The following CSE1L variants were observed in gnomAD, a reference collection of about 807,000 sequenced individuals.
CSE1L encodes the protein chromosome segregation 1 like.
A neutral mutation model predicts 120.4 loss-of-function variants in CSE1L; 24 were observed. The observed-to-expected ratio is 0.20, with a 90% CI of 0.14 to 0.28. The LOEUF (loss-of-function observed/expected upper bound fraction) is 0.28, where lower values mean the gene tolerates loss of function less well. CSE1L is among the 10% of genes least tolerant of loss of function. The pLI is 1.00. For missense variants in CSE1L, 830 were observed against 1,145.2 expected (o/e 0.72, Z 3.97); for synonymous variants, 402 against 398.3 (o/e 1.01, Z -0.11).
At chr20:49,084,248 A>T (rs888352090) in intron 15 of CSE1L, 86 bp downstream of exon 15, 23 of 1,314,042 alleles carry the variant, frequency 1.8e-5, no homozygotes, top group Non-Finnish European at 2.2e-5. Context: ...TCATAATTTC[A>T]CTAGTGGGAA....
chr20:49,074,846 A>G lies in CSE1L; in HGVS notation c.1128A>G (p.Gly376=). 2 of 1,611,736 alleles carry G rather than the reference A, an allele frequency of 1.2e-6. No individual in the cohort carries two copies. The highest frequency in any genetic ancestry group is 2.2e-5 in the East Asian group (1 of 44,696). ...AGTACATAAGGAGAGATTTGGAAGG[A>G]TCTGGTGTGTATCTTGGTTTTTTAG... ...SEEYIRRDLE[G]SDIDTRRRAA... is the part of the protein sequence containing the mutation. The change falls in exon 11 of 25, where the codon GGA becomes GGG. Residue 376 remains glycine (G), a synonymous_variant. Transcript: ENST00000262982.
chr20:49,076,254 C>T (rs2091967534), intron 12 of CSE1L, among the ~76,000 whole-genome samples: 1 of 152,248 alleles, frequency 6.6e-6, no homozygotes, highest in Non-Finnish European at 1.5e-5. Flanking sequence ...ATGGCACGAT[C>T]TTGGCTCACC....
At chr20:49,077,988 A>G (rs1034348037) in intron 13 of CSE1L, among the ~76,000 whole-genome samples, 2 of 152,114 alleles carry the variant, frequency 1.3e-5, no homozygotes, top group Non-Finnish European at 2.9e-5. Flanking sequence ...TGGGATACAG[A>G]GCGAGACTCT....
intron 22 of CSE1L, among the ~76,000 whole-genome samples, chr20:49,093,546 C>T (rs1314541065): frequency 6.7e-5 from 10 of 148,550 alleles, no homozygotes; most frequent in Non-Finnish European, 1.2e-4. Flanking sequence ...TTCCTTTTTT[C>T]CCTCCTTGCT....
At position 49,096,724 on chromosome 20, in the gene CSE1L, C is replaced by G; in HGVS notation, c.*286C>G. On this transcript the variant is annotated 3_prime_UTR_variant, in exon 25 of 25. Transcript: ENST00000262982. ...TGAGCGTTTGCACGGTTTGGATAAT[C>G]TTAAATTTTGACGGACACTGTGGAG... 1 of 348,158 alleles carries G rather than the reference C, an allele frequency of 2.9e-6. No homozygotes were observed. 21.6% of individuals were successfully genotyped at this position (348,158 alleles called of 1,614,324 possible).
intron 1 of CSE1L, among the ~76,000 whole-genome samples, chr20:49,050,168 G>A (rs1266727169): frequency 6.6e-6 from 1 of 150,574 alleles, no homozygotes; most frequent in Non-Finnish European, 1.5e-5. Context: ...ATCATTTTAG[G>A]TTTCATTCTA....
chr20:49,050,501 C>A (rs1036067431), intron 1 of CSE1L, among the ~76,000 whole-genome samples: 1 of 145,608 alleles, frequency 6.9e-6, no homozygotes, highest in Non-Finnish European at 1.5e-5. Context: ...CTCCCGGGTT[C>A]AAGCAATTCT....
At position 49,068,750 on chromosome 20, in the gene CSE1L, T is replaced by A; in HGVS notation, c.603T>A (p.Asp201Glu). The change falls in exon 7 of 25, where the codon GAT becomes GAA. Residue 201 changes from aspartate to glutamate, a missense_variant. This residue lies in a region of CSE1L where 543 missense variants were observed against 640.2 expected (regional missense o/e 0.85). Transcript: ENST00000262982. ...TIELCSTHAN[D>E]ASALRILFSS... ...AACTCTGCAGTACCCATGCAAATGA[T>A]GCCTCTGCCCTGAGGATTCTGTTTT... 1 of 1,614,092 alleles carries A rather than the reference T, an allele frequency of 6.2e-7. No individual in the cohort carries two copies. Among genetic ancestry groups the A allele is most frequent in the Non-Finnish European group, 8.5e-7 (1 of 1,179,910 alleles).
At chr20:49,077,146 T>A in intron 13 of CSE1L, 82 bp downstream of exon 13, 3 of 717,672 alleles carry the variant, frequency 4.2e-6, no homozygotes, top group Non-Finnish European at 4.3e-6. Context: ...CCTTGTTCCC[T>A]TTTGTTCTTT....
intron 12 of CSE1L, 98 bp from the exon 13 acceptor site, chr20:49,076,882 C>G: frequency 1.4e-6 from 1 of 694,770 alleles, no homozygotes. Flanking sequence ...GTGTTCATCT[C>G]CATTTTAACA....
At chr20:49,078,528 T>C in intron 13 of CSE1L, 33 bp from the exon 14 acceptor site, 1 of 1,465,820 alleles carries the variant, frequency 6.8e-7, no homozygotes, top group Non-Finnish European at 9.3e-7. Flanking sequence ...CCTTACCACT[T>C]AAGTAACTGT....
intron 14 of CSE1L, among the ~76,000 whole-genome samples, chr20:49,083,363 C>T (rs1454754877): frequency 6.6e-6 from 1 of 152,158 alleles, no homozygotes. Context: ...CTAAAGCGAT[C>T]CAGCTACCTC....
At chr20:49,072,252 T>C in intron 8 of CSE1L, 34 bp from the exon 9 acceptor site, 3 of 1,607,270 alleles carry the variant, frequency 1.9e-6, no homozygotes, top group Non-Finnish European at 2.6e-6. Flanking sequence ...GCATTAGAGT[T>C]GTATGTTGGA....
rs138098967 is a variant in CSE1L at position 49,064,656 on chromosome 20, T to G, written c.228+1312T>G. Among the ~76,000 whole-genome samples, 1,062 of 152,204 alleles carry G rather than the reference T, an allele frequency of 7.0e-3. 15 individuals are homozygous for G. The highest frequency in any genetic ancestry group is 0.023 in the African/African-American group (974 of 41,530). On this transcript the variant is annotated intron_variant, in intron 3 of 24. Transcript: ENST00000262982. ...TGTGCCTGGGAGGCAGAGGTTGCAA[T>G]GAACTGAGATGGTGCCACTGCACTT...
chr20:49,049,880 A>C (rs1276814783), intron 1 of CSE1L, among the ~76,000 whole-genome samples: 1 of 152,192 alleles, frequency 6.6e-6, no homozygotes, highest in Non-Finnish European at 1.5e-5. Flanking sequence ...CACAAAAATT[A>C]GCCAGGTGTG....
At chr20:49,084,467 C>G (rs1448311619) in intron 15 of CSE1L, among the ~76,000 whole-genome samples, 1 of 152,094 alleles carries the variant, frequency 6.6e-6, no homozygotes, top group Non-Finnish European at 1.5e-5. Flanking sequence ...AGTCTCTTAG[C>G]AGCCAGGGCA....
At chr20:49,096,291 G>T in intron 24 of CSE1L, 58 bp from the exon 25 acceptor site, 2 of 1,340,686 alleles carry the variant, frequency 1.5e-6, no homozygotes, top group South Asian at 1.2e-5. Context: ...AGAAGATGGG[G>T]TTTGTATTGG....
chr20:49,066,609 C>G (rs1173353727), intron 5 of CSE1L, 99 bp downstream of exon 5: 2 of 1,088,240 alleles, frequency 1.8e-6, no homozygotes, highest in Non-Finnish European at 2.6e-6. Flanking sequence ...TCCTTTGAAT[C>G]TGATCATCTT....
chr20:49,046,625 C>T (rs979407772), intron 1 of CSE1L, among the ~76,000 whole-genome samples: 5 of 152,234 alleles, frequency 3.3e-5, no homozygotes, highest in Middle Eastern at 3.2e-3. Context: ...CGCCTCGCGG[C>T]ATCCTAGGTC....
Sources: gnomAD v4.1 joint callset for allele counts (sites outside exome capture counted in the v4.1 genomes callset) on GRCh38, gnomAD v4.1.1 for gene constraint, gnomAD v4.1.1 regional missense constraint, MANE v1.5 for transcripts, NCBI Gene and HGNC (gene_info 2026-07-23, HGNC 2026-07-21) for gene names.